The following ITFG2 variants were observed in gnomAD, a reference collection of about 807,000 sequenced individuals.
ITFG2 encodes integrin alpha FG-GAP repeat containing 2, also known as KICSTOR complex protein ITFG2.
Under a neutral mutation model 54.4 loss-of-function variants are expected in ITFG2, and 36 were observed. The ratio of observed to expected loss-of-function variants is 0.66; its 90% CI spans 0.51 to 0.87. ITFG2 has a LOEUF of 0.87. Among genes scored for constraint, ITFG2 ranks in the 40% least tolerant of loss-of-function variants. ITFG2 has a pLI of 0.00. For missense variants in ITFG2, 524 were observed against 576.7 expected, an observed-to-expected ratio of 0.91 and a Z score of 0.94; for synonymous variants, 211 against 225.4, an observed-to-expected ratio of 0.94 and a Z score of 0.57.
intron 3 of ITFG2, chr12:2,859,042 C>G: frequency 6.2e-7 from 1 of 1,609,114 alleles, no homozygotes; most frequent in South Asian, 1.1e-5. Context: ...CCTACTTTGG[C>G]TGGGGGCGTG....
intron 2 of ITFG2, among the ~76,000 whole-genome samples, chr12:2,848,218 G>A (rs1297409467): frequency 6.6e-6 from 1 of 152,172 alleles, no homozygotes; most frequent in Non-Finnish European, 1.5e-5. Context: ...TGGGCAGGAG[G>A]CCAAGAGAAG....
intron 4 of ITFG2, 93 bp from the exon 5 acceptor site, chr12:2,819,993 T>G (rs1603482953): frequency 6.8e-7 from 1 of 1,480,790 alleles, no homozygotes. Flanking sequence ...AGATCGGGTG[T>G]GAAGCCGCAC....
intron 10 of ITFG2, 91 bp downstream of exon 10, chr12:2,823,002 C>CT: frequency 1.1e-6 from 1 of 919,474 alleles, no homozygotes; most frequent in Non-Finnish European, 1.8e-6. Flanking sequence ...CCTCACTTCC[C>CT]TTTCTGACGT....
At chr12:2,848,718 C>G (rs182959344) in intron 2 of ITFG2, among the ~76,000 whole-genome samples, 127 of 152,266 alleles carry the variant, frequency 8.3e-4, no homozygotes, top group Middle Eastern at 3.4e-3. Context: ...ATCAAATGGT[C>G]CAGGGAGGGG....
Position 2,821,586 on chromosome 12 carries a change from C to G in ITFG2, c.837C>G (p.Cys279Trp), listed in dbSNP as rs1441427791. 1 of 1,614,084 alleles carries G rather than the reference C, an allele frequency of 6.2e-7. No homozygotes were observed. The highest frequency in any genetic ancestry group is 8.5e-7 in the Non-Finnish European group (1 of 1,180,030). ...ESSGSGLFAL[C>W]TLDGTLKLME... ...GTGGCTCTGGCCTCTTTGCCCTGTG[C>G]ACCCTGGATGGTGAGCAATGCTAGG... is the stretch of plus-strand genomic sequence containing the variant. The change falls in exon 8 of 12, where the codon TGC (cysteine) becomes TGG (tryptophan). Residue 279 changes from cysteine to tryptophan, a missense_variant. Physicochemically the swap from Cys to Trp is radical, Grantham distance 215. Transcript: ENST00000228799.
At chr12:2,839,176 G>A (rs556472459) in intron 1 of ITFG2, among the ~76,000 whole-genome samples, 1 of 152,096 alleles carries the variant, frequency 6.6e-6, no homozygotes, top group South Asian at 2.1e-4. Flanking sequence ...CCTGTAATCC[G>A]AGCTACTCAG....
chr12:2,819,969 G>A, intron 4 of ITFG2, 117 bp from the exon 5 acceptor site: 2 of 1,324,504 alleles, frequency 1.5e-6, no homozygotes, highest in Non-Finnish European at 2.0e-6. Context: ...TGAGGGTGAA[G>A]TGAGTAGCAC....
Position 2,817,960 on chromosome 12 carries a change from A to G in ITFG2, c.234+10A>G, listed in dbSNP as rs759559436. On this transcript the variant is annotated intron_variant, in intron 3 of 11. Coordinates refer to ENST00000228799, the MANE Select transcript of ITFG2 (RefSeq NM_018463.4). ...GTGTAATAAAGGAAAGGTAAGAACT[A>G]TAGGGGACCTTCCTTGGTTCTTAGC... 12 of 1,613,570 alleles carry G rather than the reference A, an allele frequency of 7.4e-6. No homozygotes were observed. In the Admixed American group the frequency reaches 1.7e-4, roughly 22 times the overall value.
At chr12:2,854,905 C>A in intron 2 of ITFG2, 1 of 1,534,110 alleles carries the variant, frequency 6.5e-7, no homozygotes, top group Non-Finnish European at 8.7e-7. Flanking sequence ...CTTCTTGAAG[C>A]TCGCTGGCGG....
chr12:2,828,253 A>C, downstream of ITFG2: 1 of 1,298,222 alleles, frequency 7.7e-7, no homozygotes, highest in South Asian at 1.2e-5. Flanking sequence ...AACTGTCGTC[A>C]CTATCTAATT....
chr12:2,833,087 C>G (rs549138159), upstream of ITFG2, among the ~76,000 whole-genome samples: 7 of 152,060 alleles, frequency 4.6e-5, no homozygotes, highest in South Asian at 1.5e-3. Context: ...CCTGTTGTGC[C>G]TTTGCTCCCA....
chr12:2,855,316 G>T, intron 2 of ITFG2: 1 of 1,531,724 alleles, frequency 6.5e-7, no homozygotes, highest in Non-Finnish European at 8.7e-7. Context: ...TGTGCAGGGC[G>T]GCAGCTTCAG....
chr12:2,826,228 C>G (rs1252996417), downstream of ITFG2: 1 of 151,088 alleles, frequency 6.6e-6, no homozygotes, highest in Non-Finnish European at 1.5e-5. Flanking sequence ...AAGCCTCTGT[C>G]TTTTTGCTTT....
intron 2 of ITFG2, among the ~76,000 whole-genome samples, chr12:2,852,387 G>A (rs2153928987): frequency 6.6e-6 from 1 of 151,686 alleles, no homozygotes; most frequent in Non-Finnish European, 1.5e-5. Flanking sequence ...TTTCTTTTGA[G>A]CTAGGGTCTC....
At chr12:2,814,336 T>C (rs1384481935) in intron 1 of ITFG2, among the ~76,000 whole-genome samples, 10 of 152,206 alleles carry the variant, frequency 6.6e-5, no homozygotes, top group African/African-American at 2.2e-4. Flanking sequence ...AGCATTCCCT[T>C]TTTTTATAGG....
intron 8 of ITFG2, 28 bp from the exon 9 acceptor site, chr12:2,821,664 C>G: frequency 6.2e-7 from 1 of 1,613,368 alleles, no homozygotes; most frequent in South Asian, 1.1e-5. Context: ...CTATCCCACC[C>G]ACACTCAGCC....
chr12:2,834,534 G>A, upstream of ITFG2: 1 of 1,442,340 alleles, frequency 6.9e-7, no homozygotes, highest in East Asian at 2.4e-5. Flanking sequence ...AAGGGAGCGG[G>A]ACCTGAAAGC....
chr12:2,819,988 G>C lies in ITFG2; in HGVS notation c.407-98G>C, dbSNP rs181968456. The C allele has an allele frequency of 3.4e-6, 5 of 1,450,960 alleles. No homozygotes were observed. The African/African-American group carries it at 4.3e-5, about 12-fold the overall frequency. The allele number at this position is 1,450,960 out of a possible 1,614,324, so 89.9% of individuals were successfully genotyped here. On this transcript the variant is annotated intron_variant, in intron 4 of 11. Coordinates refer to ENST00000228799, the MANE Select transcript of ITFG2 (RefSeq NM_018463.4). ...GGTGAAGTGAGTAGCACCGCAGATC[G>C]GGTGTGAAGCCGCACTGGCTGGAAG...
chr12:2,856,939 A>T (rs768276518), intron 2 of ITFG2: 1 of 703,018 alleles, frequency 1.4e-6, no homozygotes, highest in Middle Eastern at 2.3e-4. Flanking sequence ...GGCGGCAGAG[A>T]TGGGCCACCC....
Sources: gnomAD v4.1 joint callset for allele counts (sites outside exome capture counted in the v4.1 genomes callset) on GRCh38, gnomAD v4.1.1 for gene constraint, MANE v1.5 for transcripts, NCBI Gene and HGNC (gene_info 2026-07-23, HGNC 2026-07-21) for gene names.